Variants in ZNF521 observed in about 807,000 individuals in gnomAD.
ZNF521 encodes the protein LYST-interacting protein 3.
Under a neutral mutation model 105.5 loss-of-function variants are expected in ZNF521, and 14 were observed. The ratio of observed to expected loss-of-function variants is 0.13; its 90% CI spans 0.09 to 0.21. ZNF521 has a LOEUF of 0.21. Among genes scored for constraint, ZNF521 ranks in the 10% least tolerant of loss-of-function variants. ZNF521 has a pLI of 1.00. For missense variants in ZNF521, 1,233 were observed against 1,629.7 expected (o/e 0.76, Z 4.19); for synonymous variants, 635 against 606.0 (o/e 1.05, Z -0.70).
intron 5 of ZNF521, among the ~76,000 whole-genome samples, chr18:25,114,708 A>G (rs571089717): frequency 6.6e-6 from 1 of 152,324 alleles, no homozygotes; most frequent in African/African-American, 2.4e-5. Context: ...CTGTCAAGTG[A>G]AAATTACATC....
At chr18:25,168,196 T>C (rs2035381459) in intron 5 of ZNF521, among the ~76,000 whole-genome samples, 1 of 152,112 alleles carries the variant, frequency 6.6e-6, no homozygotes, top group Non-Finnish European at 1.5e-5. Context: ...GAATAAAAAG[T>C]TCCACATATG....
chr18:25,330,143 A>G (rs1199512102), intron 2 of ZNF521, among the ~76,000 whole-genome samples: 1 of 151,970 alleles, frequency 6.6e-6, no homozygotes, highest in Non-Finnish European at 1.5e-5. Flanking sequence ...CTGGGCAGAA[A>G]AATCACACCA....
rs764056532 is a variant in ZNF521 at position 25,226,299 on chromosome 18, C to T, written c.1619G>A (p.Ser540Asn). The T allele has an allele frequency of 5.6e-6, 9 of 1,614,182 alleles. No homozygotes were observed. The East Asian group carries it at 8.9e-5, about 16-fold the overall frequency. Residue 540 changes from serine (S) to asparagine (N), a missense_variant, in exon 4 of 8, where the codon AGT becomes AAT. By Grantham distance (46) the Ser-to-Asn change is conservative (BLOSUM62 1). Transcript: ENST00000361524. The surrounding 1 kb of genome is among the most constrained non-coding windows in gnomAD (Gnocchi z 4.1). ...CACTGGAGACCCAAATCGGGAGCCACTGAGGTCACAATGAACCTGTCTAAT... is the reference window on the plus strand; with the variant it reads ...CACTGGAGACCCAAATCGGGAGCCATTGAGGTCACAATGAACCTGTCTAAT... The part of the protein sequence containing the change: ...EHIRQVHCDL[S>N]GSRFGSPVLG...
At chr18:25,077,510 A>T in intron 7 of ZNF521, among the ~76,000 whole-genome samples, 1 of 146,398 alleles carries the variant, frequency 6.8e-6, no homozygotes, top group East Asian at 1.9e-4. Context: ...CACAACACAA[A>T]CATGTGCCTT....
intron 4 of ZNF521, among the ~76,000 whole-genome samples, chr18:25,221,507 C>T (rs1228661215): frequency 2.0e-5 from 3 of 152,140 alleles, no homozygotes; most frequent in African/African-American, 7.2e-5. Flanking sequence ...CTTGACCATA[C>T]CTATGTATCC....
chr18:25,297,441 G>A (rs546914679), intron 3 of ZNF521, among the ~76,000 whole-genome samples: 1 of 152,188 alleles, frequency 6.6e-6, no homozygotes, highest in South Asian at 2.1e-4. Context: ...TCTTATTTGT[G>A]TATTTAGTCT....
Position 25,226,905 on chromosome 18 carries a change from C to G in ZNF521, c.1013G>C (p.Cys338Ser), listed in dbSNP as rs752609183. ...HMDSHQQPES[C>S]NHSNSPSLVT... ...CAGGGAAGGGCTGTTGCTGTGATTG[C>G]ATGACTCCGGTTGCTGGTGACTGTC... The change falls in exon 4 of 8, where the codon TGC (cysteine) becomes TCC (serine). Residue 338 changes from cysteine to serine, a missense_variant. Cys to Ser is a moderately radical substitution (Grantham distance 112). Around this residue, in one of 6 missense-constraint regions of ZNF521, gnomAD observed 380 missense variants for 478.0 expected, o/e 0.80. Coordinates refer to ENST00000361524, the MANE Select transcript of ZNF521 (RefSeq NM_015461.3). The surrounding 1 kb of genome is among the most constrained non-coding windows in gnomAD (Gnocchi z 4.1). 1 of 1,613,888 alleles carries G rather than the reference C, an allele frequency of 6.2e-7. No individual in the cohort carries two copies. The highest frequency in any genetic ancestry group is 8.5e-7 in the Non-Finnish European group (1 of 1,179,984).
rs982439837 is a variant in ZNF521, at chr18:25,224,502, C to T, written c.3416G>A (p.Arg1139His). The change falls in exon 4 of 8, where the codon CGC becomes CAC. Residue 1139 changes from arginine to histidine, a missense_variant. Transcript: ENST00000361524. ...AAACTTAACGTTGCAGCTAGAGCAG[C>T]GTGTCTTCAGTCCCCCCACCTTGCC... ...GKGKVGGLKT[R>H]CSSCNVKFES... The T allele has an allele frequency of 1.2e-6, 2 of 1,613,814 alleles. No homozygotes were observed. The highest frequency in any genetic ancestry group is 2.7e-5 in the African/African-American group (2 of 74,836).
chr18:25,307,779 T>C lies in ZNF521; in HGVS notation c.220+14229A>G, dbSNP rs75504742. Among the ~76,000 whole-genome samples, 821 of 152,330 alleles carry C rather than the reference T, an allele frequency of 5.4e-3. 7 individuals carry two copies. The highest frequency in any genetic ancestry group is 0.019 in the African/African-American group (783 of 41,574). ...TCTGTCTCTCTCTGCTGTCTGTCTG[T>C]CTGTCTCTCTCAGAGTACTTATTCT... On this transcript the variant is annotated intron_variant, in intron 3 of 7. Transcript: ENST00000361524.
intron 5 of ZNF521, among the ~76,000 whole-genome samples, chr18:25,172,843 T>G (rs540415351): frequency 8.5e-5 from 13 of 152,292 alleles, no homozygotes; most frequent in African/African-American, 3.1e-4. Context: ...CAAACCAAGC[T>G]TTGCACATGA....
intron 5 of ZNF521, among the ~76,000 whole-genome samples, chr18:25,148,386 T>C (rs368281611): frequency 1.3e-5 from 2 of 152,230 alleles, no homozygotes; most frequent in African/African-American, 4.8e-5. Context: ...TTTTGGTCAC[T>C]ATGTATTCAC....
chr18:25,114,147 TG>T (rs1038466403), intron 5 of ZNF521, among the ~76,000 whole-genome samples: 47 of 151,162 alleles, frequency 3.1e-4, no homozygotes, highest in Non-Finnish European at 4.7e-4. Flanking sequence ...CAGGGAGGGG[TG>T]GGGGTTGGGG....
chr18:25,138,438 T>C (rs1189756412), intron 5 of ZNF521, among the ~76,000 whole-genome samples: 1 of 145,970 alleles, frequency 6.9e-6, no homozygotes, highest in Non-Finnish European at 1.5e-5. Flanking sequence ...AAACGGATCA[T>C]TAAACAGTAG....
At chr18:25,240,753 T>G (rs1024788737) in intron 3 of ZNF521, among the ~76,000 whole-genome samples, 1 of 151,920 alleles carries the variant, frequency 6.6e-6, no homozygotes, top group African/African-American at 2.4e-5. Flanking sequence ...CTCTGAGAGT[T>G]AAGACCCATA....
chr18:25,119,878 T>C (rs960189148), intron 5 of ZNF521, among the ~76,000 whole-genome samples: 4 of 152,040 alleles, frequency 2.6e-5, no homozygotes, highest in Admixed American at 6.5e-5. Context: ...GTTAATAAAA[T>C]AAGAAAATTG....
chr18:25,325,789 T>G (rs1220528314), intron 2 of ZNF521, among the ~76,000 whole-genome samples: 1 of 152,198 alleles, frequency 6.6e-6, no homozygotes, highest in Non-Finnish European at 1.5e-5. Context: ...CGCACAATTA[T>G]TATTACAAAA....
chr18:25,214,579 T>G (rs1029786644), intron 4 of ZNF521, among the ~76,000 whole-genome samples: 6 of 152,224 alleles, frequency 3.9e-5, no homozygotes, highest in African/African-American at 1.4e-4. Context: ...TCGAAACTTT[T>G]GAAATGTATT....
intron 5 of ZNF521, 146 bp downstream of exon 5, chr18:25,195,014 T>C (rs1202728313): frequency 1.6e-6 from 1 of 636,088 alleles, no homozygotes; most frequent in Non-Finnish European, 2.6e-6. Flanking sequence ...TTATCAGGAC[T>C]AATAACAGAA....
chr18:25,102,998 G>A (rs1161169824), intron 5 of ZNF521, among the ~76,000 whole-genome samples: 1 of 152,116 alleles, frequency 6.6e-6, no homozygotes, highest in Admixed American at 6.6e-5. Context: ...AGCAGCTACT[G>A]TTAAAGTCTC....
Sources: allele counts gnomAD v4.1 joint callset (sites outside exome capture counted in the v4.1 genomes callset), GRCh38; gene constraint gnomAD v4.1.1; regional missense constraint gnomAD v4.1.1; non-coding constraint Gnocchi (gnomAD v3.1); transcripts MANE v1.5; gene names NCBI Gene and HGNC (gene_info 2026-07-23, HGNC 2026-07-21).